The following TTC28 variants were observed in gnomAD, a reference collection of about 807,000 sequenced individuals.
The protein encoded by TTC28 is tetratricopeptide repeat domain 28.
In TTC28, 61 loss-of-function variants were observed where a neutral mutation model predicts 198.0. That is an observed-to-expected ratio of 0.31 (90% CI 0.25 to 0.38). The LOEUF is 0.38. Among genes scored for constraint, TTC28 ranks in the 10% least tolerant of loss-of-function variants. TTC28 has a pLI of 1.00. For missense variants in TTC28, 2,678 were observed against 3,164.0 expected (o/e 0.85, Z 3.69); for synonymous variants, 1,171 against 1,297.8 (o/e 0.90, Z 2.10).
At chr22:28,395,207 T>C (rs2046795285) in intron 2 of TTC28, among the ~76,000 whole-genome samples, 1 of 152,156 alleles carries the variant, frequency 6.6e-6, no homozygotes, top group Admixed American at 6.5e-5. Flanking sequence ...GCAACAGGAT[T>C]TGTTTTTAAC....
At chr22:28,216,655 A>T (rs1852343862) in intron 5 of TTC28, among the ~76,000 whole-genome samples, 1 of 152,200 alleles carries the variant, frequency 6.6e-6, no homozygotes, top group Admixed American at 6.5e-5. Context: ...AAGGTGCAGC[A>T]ATATCATAGT....
chr22:28,047,494 A>G (rs1428891874), intron 12 of TTC28, among the ~76,000 whole-genome samples: 1 of 152,210 alleles, frequency 6.6e-6, no homozygotes, highest in Non-Finnish European at 1.5e-5. Context: ...GTGGAGGACT[A>G]GAAAGGCACC....
intron 5 of TTC28, among the ~76,000 whole-genome samples, chr22:28,204,587 T>G (rs1484444729): frequency 2.2e-4 from 33 of 152,072 alleles, no homozygotes; most frequent in Admixed American, 2.2e-3. Flanking sequence ...AGCCTGACTC[T>G]CATCACTCCG....
intron 2 of TTC28, among the ~76,000 whole-genome samples, chr22:28,361,031 T>C (rs907108114): frequency 1.3e-5 from 2 of 152,182 alleles, no homozygotes; most frequent in Non-Finnish European, 2.9e-5. Flanking sequence ...CAACCAGCCA[T>C]TCCCTTGTCT....
intron 5 of TTC28, among the ~76,000 whole-genome samples, chr22:28,168,792 C>T (rs1318348687): frequency 6.6e-6 from 1 of 152,152 alleles, no homozygotes; most frequent in African/African-American, 2.4e-5. Flanking sequence ...ACACCAAAAG[C>T]AATGGCAACA....
chr22:28,193,583 T>C (rs904128328), intron 5 of TTC28, among the ~76,000 whole-genome samples: 17 of 151,908 alleles, frequency 1.1e-4, no homozygotes, highest in African/African-American at 3.6e-4. Context: ...AATAAAGGGA[T>C]GGAGGAAGAT....
At chr22:28,219,908 AC>A (rs1282127912) in intron 5 of TTC28, among the ~76,000 whole-genome samples, 1 of 152,130 alleles carries the variant, frequency 6.6e-6, no homozygotes, top group Non-Finnish European at 1.5e-5. Context: ...CACCACTGAC[AC>A]CTTTTGAACA....
At chr22:28,605,452 C>G (rs1299282737) in intron 2 of TTC28, among the ~76,000 whole-genome samples, 1 of 152,056 alleles carries the variant, frequency 6.6e-6, no homozygotes, top group Admixed American at 6.6e-5. Flanking sequence ...TCTTGAATAA[C>G]AAAGAAACAA....
chr22:28,096,804 C>T (rs945077653), intron 10 of TTC28, among the ~76,000 whole-genome samples: 8 of 150,984 alleles, frequency 5.3e-5, no homozygotes, highest in East Asian at 1.9e-4. Flanking sequence ...TGGCTCTCTA[C>T]GTGTCTTTTT....
chr22:28,286,884 A>C (rs1200529443), intron 5 of TTC28, among the ~76,000 whole-genome samples: 1 of 152,196 alleles, frequency 6.6e-6, no homozygotes, highest in East Asian at 1.9e-4. Context: ...CACTGCTGGA[A>C]GAAATTCTAC....
At chr22:28,573,703 T>C (rs962235970) in intron 2 of TTC28, among the ~76,000 whole-genome samples, 2 of 151,928 alleles carry the variant, frequency 1.3e-5, no homozygotes, top group African/African-American at 4.8e-5. Context: ...TTACAAACAA[T>C]CTAATTATAT....
intron 12 of TTC28, among the ~76,000 whole-genome samples, chr22:28,087,671 G>T (rs1011496389): frequency 2.4e-4 from 36 of 152,244 alleles, no homozygotes; most frequent in Non-Finnish European, 2.5e-4. Flanking sequence ...GGGCAATCAG[G>T]CAGGAGAAGG....
At chr22:28,335,285 C>G (rs941583980) in intron 2 of TTC28, among the ~76,000 whole-genome samples, 21 of 152,098 alleles carry the variant, frequency 1.4e-4, no homozygotes, top group South Asian at 6.2e-4. Context: ...AAGTCAGGTA[C>G]CGTGATGCCT....
At chr22:28,052,179 C>T (rs537625933) in intron 12 of TTC28, among the ~76,000 whole-genome samples, 1 of 152,194 alleles carries the variant, frequency 6.6e-6, no homozygotes, top group South Asian at 2.1e-4. Flanking sequence ...GTATAAAGTA[C>T]CATATATGTG....
chr22:28,675,159 A>G (rs558625764), intron 1 of TTC28, among the ~76,000 whole-genome samples: 1 of 152,336 alleles, frequency 6.6e-6, no homozygotes, highest in East Asian at 1.9e-4. Flanking sequence ...TTTTCAATAT[A>G]TAGTGCTGGG....
At chr22:28,568,098 C>G (rs1044994429) in intron 2 of TTC28, among the ~76,000 whole-genome samples, 1 of 152,132 alleles carries the variant, frequency 6.6e-6, no homozygotes, top group African/African-American at 2.4e-5. Context: ...CCAAATGATT[C>G]AGCTGTGAAC....
chr22:28,012,377 G>A (rs377677282), intron 14 of TTC28, among the ~76,000 whole-genome samples: 1 of 152,176 alleles, frequency 6.6e-6, no homozygotes, highest in Non-Finnish European at 1.5e-5. Flanking sequence ...GATCGGATCC[G>A]GGAGGCCCAG....
At chr22:28,452,465 G>A (rs1053165518) in intron 2 of TTC28, among the ~76,000 whole-genome samples, 1 of 151,352 alleles carries the variant, frequency 6.6e-6, no homozygotes, top group Non-Finnish European at 1.5e-5. Flanking sequence ...AGGGAAAGTG[G>A]GTCTTTTCTT....
At chr22:28,199,530 C>CATATAT (rs10689151) in intron 5 of TTC28, among the ~76,000 whole-genome samples, 20,927 of 138,810 alleles carry the variant, frequency 0.15, 1,978 homozygotes, top group Middle Eastern at 0.25. Context: ...AATACCTATA[C>CATATAT]ATATATATAT....
Sources: allele counts gnomAD v4.1 joint callset (sites outside exome capture counted in the v4.1 genomes callset), GRCh38; gene constraint gnomAD v4.1.1; transcripts MANE v1.5; gene names NCBI Gene and HGNC (gene_info 2026-07-23, HGNC 2026-07-21).